DENND1A: variants seen among roughly 807,000 people sequenced by gnomAD.
DENND1A encodes the protein DENN domain-containing protein 1A.
DENND1A carries 51 observed loss-of-function variants against 113.7 expected under a neutral mutation model. The observed-to-expected ratio is 0.45, with a 90% confidence interval of 0.36 to 0.57. The LOEUF is 0.57. Ranked by LOEUF, DENND1A falls within the 20% of genes least tolerant of loss-of-function variation. The probability of loss-of-function intolerance (pLI) is 0.00; values close to 1 mark genes in which losing one functional copy is unlikely to be tolerated. For missense variants in DENND1A, 1,258 were observed against 1,395.9 expected (o/e 0.90, Z 1.57); for synonymous variants, 565 against 570.8 (o/e 0.99, Z 0.14).
At chr9:123,721,799 G>A (rs1438548625) in intron 5 of DENND1A, among the ~76,000 whole-genome samples, 1 of 152,172 alleles carries the variant, frequency 6.6e-6, no homozygotes, top group African/African-American at 2.4e-5. Context: ...CCAGCCATAT[G>A]GAACTGTAAG....
intron 5 of DENND1A, among the ~76,000 whole-genome samples, chr9:123,737,468 G>A (rs1263086554): frequency 1.3e-5 from 2 of 152,152 alleles, no homozygotes; most frequent in Non-Finnish European, 2.9e-5. Context: ...GATTACAGAT[G>A]TGAGCCACCA....
intron 11 of DENND1A, among the ~76,000 whole-genome samples, chr9:123,595,430 G>A (rs1362631305): frequency 2.0e-5 from 3 of 152,154 alleles, no homozygotes; most frequent in African/African-American, 7.2e-5. Context: ...TAGGGACACA[G>A]AGACGATTAA....
intron 9 of DENND1A, among the ~76,000 whole-genome samples, chr9:123,631,845 A>C (rs1180767018): frequency 6.6e-6 from 1 of 152,186 alleles, no homozygotes; most frequent in Non-Finnish European, 1.5e-5. Flanking sequence ...AAAGGGATAC[A>C]ATTGCTACAA....
intron 2 of DENND1A, among the ~76,000 whole-genome samples, chr9:123,850,201 G>A (rs908904494): frequency 2.0e-5 from 3 of 152,116 alleles, no homozygotes; most frequent in Non-Finnish European, 2.9e-5. Context: ...GTAATCTTTC[G>A]TGAAAGGAAG....
chr9:123,694,319 C>T (rs944432031), intron 5 of DENND1A, among the ~76,000 whole-genome samples: 2 of 152,142 alleles, frequency 1.3e-5, no homozygotes, highest in African/African-American at 2.4e-5. Flanking sequence ...CAAGGGTTTG[C>T]TCCTTGAAAA....
At chr9:123,891,169 G>A (rs570155484) in intron 1 of DENND1A, among the ~76,000 whole-genome samples, 107 of 152,282 alleles carry the variant, frequency 7.0e-4, no homozygotes, top group Non-Finnish European at 9.8e-4. Flanking sequence ...GAATTACAGA[G>A]TGGTGCCTTC....
At chr9:123,740,156 C>T (rs1432565309) in intron 5 of DENND1A, among the ~76,000 whole-genome samples, 1 of 152,154 alleles carries the variant, frequency 6.6e-6, no homozygotes, top group Non-Finnish European at 1.5e-5. Context: ...ATGTCCTGTG[C>T]ATATGCCCCT....
intron 5 of DENND1A, among the ~76,000 whole-genome samples, chr9:123,711,451 A>C (rs2066580706): frequency 6.9e-6 from 1 of 144,368 alleles, no homozygotes; most frequent in African/African-American, 2.5e-5. Flanking sequence ...GGAGGACAGA[A>C]GGAGGCTCCA....
chr9:123,502,323 C>G (rs1266512255), intron 13 of DENND1A, among the ~76,000 whole-genome samples: 1 of 149,094 alleles, frequency 6.7e-6, no homozygotes, highest in Admixed American at 6.7e-5. Flanking sequence ...AACCCTAATA[C>G]AGGTTCTAAT....
chr9:123,711,522 T>TATATATATATATATAC (rs1564998435), intron 5 of DENND1A, among the ~76,000 whole-genome samples: 10 of 142,882 alleles, frequency 7.0e-5, no homozygotes, highest in African/African-American at 2.4e-4. Flanking sequence ...TGTATATATA[T>TATATATATATATATAC]ATATATATAT....
intron 2 of DENND1A, among the ~76,000 whole-genome samples, chr9:123,797,517 T>G (rs769068213): frequency 2.6e-4 from 40 of 152,182 alleles, no homozygotes; most frequent in Non-Finnish European, 4.9e-4. Flanking sequence ...TTTTGTATTA[T>G]GCAAAATTAA....
rs750972974 is a variant in DENND1A at position 123,639,039 on chromosome 9, T to TAAAAAAAAAAAAAAAAAAAAAAAAA, written c.619-8588_619-8564dup. Among the ~76,000 whole-genome samples, 12 of 32,094 alleles carry TAAAAAAAAAAAAAAAAAAAAAAAAA rather than the reference T, an allele frequency of 3.7e-4. 1 individual carries two copies. Among genetic ancestry groups the TAAAAAAAAAAAAAAAAAAAAAAAAA allele is most frequent in the African/African-American group, 6.0e-4 (5 of 8,298 alleles). 21.1% of individuals were successfully genotyped at this position (32,094 alleles called of 152,430 possible). The stretch of plus-strand genomic sequence containing the variant: ...TGAGTTACTAAATTTGCATGAGTAG[T>TAAAAAAAAAAAAAAAAAAAAAAAAA]AAAAAAAAAAAAAAAAAAAAAAAAA... On this transcript the variant is annotated intron_variant, in intron 9 of 23. Coordinates refer to ENST00000394215, the MANE Select transcript of DENND1A (RefSeq NM_001352964.2).
chr9:123,445,775 G>C (rs546149575), intron 18 of DENND1A, among the ~76,000 whole-genome samples: 9 of 152,332 alleles, frequency 5.9e-5, no homozygotes, highest in Middle Eastern at 3.4e-3. Flanking sequence ...GCTGAAGCAG[G>C]AGAATCACTT....
At chr9:123,773,983 G>C (rs1564243619) in intron 3 of DENND1A, among the ~76,000 whole-genome samples, 1 of 151,822 alleles carries the variant, frequency 6.6e-6, no homozygotes, top group Non-Finnish European at 1.5e-5. Flanking sequence ...TATAGCAGTT[G>C]ATAATTTACC....
intron 13 of DENND1A, among the ~76,000 whole-genome samples, chr9:123,505,466 TC>T (rs1333770380): frequency 6.6e-6 from 1 of 152,206 alleles, no homozygotes; most frequent in Non-Finnish European, 1.5e-5. Context: ...AGTTAACATA[TC>T]CCTACCAGAA....
chr9:123,689,078 G>A (rs1246958717), intron 5 of DENND1A, among the ~76,000 whole-genome samples: 1 of 152,140 alleles, frequency 6.6e-6, no homozygotes, highest in Admixed American at 6.6e-5. Flanking sequence ...AGGCTGGAGT[G>A]CAGTGGCGTG....
intron 5 of DENND1A, among the ~76,000 whole-genome samples, chr9:123,705,683 T>C (rs1343837911): frequency 6.6e-6 from 1 of 152,200 alleles, no homozygotes; most frequent in Non-Finnish European, 1.5e-5. Flanking sequence ...CTAAATAAAC[T>C]GACACCATGT....
At position 123,403,392 on chromosome 9, in the gene DENND1A, C is replaced by T. The variant is rs773244534; in HGVS notation, c.1631+10G>A. 6.2e-7 allele frequency: 1 copy of T among 1,613,832 alleles called. No individual in the cohort carries two copies. The highest frequency in any genetic ancestry group is 1.1e-5 in the South Asian group (1 of 90,964). On this transcript the variant is annotated intron_variant, in intron 21 of 23. Transcript: ENST00000394215. ...TTCTTACAGACAGAGGGGAGAGGCA[C>T]AATACTCACTGCTCAGGGCTCGGCA...
intron 13 of DENND1A, among the ~76,000 whole-genome samples, chr9:123,481,817 A>T: frequency 7.0e-6 from 1 of 143,602 alleles, no homozygotes. Flanking sequence ...TTTTTTTGAG[A>T]CAGAGACTTG....
Sources: allele counts gnomAD v4.1 joint callset (sites outside exome capture counted in the v4.1 genomes callset), GRCh38; gene constraint gnomAD v4.1.1; transcripts MANE v1.5; gene names NCBI Gene and HGNC (gene_info 2026-07-23, HGNC 2026-07-21).